SNX25: variants seen among roughly 807,000 people sequenced by gnomAD.
SNX25 encodes the protein sorting nexin 25.
In SNX25, 62 loss-of-function variants were observed where a neutral mutation model predicts 113.7. That is an observed-to-expected ratio of 0.55 (90% CI 0.44 to 0.67). The LOEUF (loss-of-function observed/expected upper bound fraction) is 0.67. Among genes scored for constraint, SNX25 ranks in the 30% least tolerant of loss-of-function variants. The pLI is 0.00. For missense variants in SNX25, 1,014 were observed against 1,161.0 expected (o/e 0.87, Z 1.84); for synonymous variants, 421 against 436.2 (o/e 0.97, Z 0.43).
At chr4:185,345,462 T>C (rs1157821837) in intron 12 of SNX25, among the ~76,000 whole-genome samples, 3 of 152,178 alleles carry the variant, frequency 2.0e-5, no homozygotes, top group Non-Finnish European at 4.4e-5. Context: ...TATGAATATA[T>C]TTTGTTAATA....
chr4:185,370,928 G>C, downstream of SNX25: 1 of 1,155,782 alleles, frequency 8.7e-7, no homozygotes. Flanking sequence ...CTACTGCTTT[G>C]AGAACTAAGT....
intron 1 of SNX25, among the ~76,000 whole-genome samples, chr4:185,235,275 C>T (rs985955454): frequency 2.0e-5 from 3 of 152,200 alleles, no homozygotes; most frequent in African/African-American, 7.2e-5. Flanking sequence ...TCTCTATGTT[C>T]ATGTGAGGTA....
chr4:185,224,139 G>A (rs1740454234), intron 1 of SNX25, among the ~76,000 whole-genome samples: 1 of 152,036 alleles, frequency 6.6e-6, no homozygotes, highest in South Asian at 2.1e-4. Flanking sequence ...GTCACCTGAG[G>A]TTAGGAGTTC....
At chr4:185,262,818 G>C (rs1043174950) in intron 3 of SNX25, among the ~76,000 whole-genome samples, 2 of 152,202 alleles carry the variant, frequency 1.3e-5, no homozygotes, top group South Asian at 4.1e-4. Context: ...GATCCACACG[G>C]AACACAGTAA....
In SNX25 at chr4:185,334,935, A is replaced by G. The variant is rs911645009; in HGVS notation, c.1914+2176A>G. 1.3e-5 allele frequency among the ~76,000 whole-genome samples: 2 copies of G among 152,176 alleles called. No individual in the cohort carries two copies. Among genetic ancestry groups the G allele is most frequent in the Non-Finnish European group, 2.9e-5 (2 of 68,026 alleles). On this transcript the variant is annotated intron_variant, in intron 10 of 18. Transcript: ENST00000652585. The surrounding 1 kb of genome is among the most constrained non-coding windows in gnomAD (Gnocchi z 4.2). ...GCACAGGGCTGAAAGGGCTCTGAGG[A>G]TGGAAGGCAGCTGATCCTTCTCTCC...
At chr4:185,264,740 CTATT>C in intron 4 of SNX25, 130 bp downstream of exon 4, 1 of 975,076 alleles carries the variant, frequency 1.0e-6, no homozygotes, top group South Asian at 1.9e-5. Context: ...GTCTCTAAAA[CTATT>C]TGGCCATTCA....
chr4:185,268,735 T>C (rs549945001), intron 5 of SNX25, among the ~76,000 whole-genome samples: 1 of 152,320 alleles, frequency 6.6e-6, no homozygotes, highest in Admixed American at 6.5e-5. Context: ...AAGCACCATC[T>C]AAGGAGGCAT....
chr4:185,299,968 G>T (rs1022380615), intron 6 of SNX25, among the ~76,000 whole-genome samples: 1 of 152,140 alleles, frequency 6.6e-6, no homozygotes, highest in Non-Finnish European at 1.5e-5. Flanking sequence ...AGATGAGGAG[G>T]TTTCGCCTTT....
At chr4:185,362,734 G>A (rs772857794) in intron 18 of SNX25, 23 bp downstream of exon 18, 2 of 1,580,966 alleles carry the variant, frequency 1.3e-6, no homozygotes, top group Admixed American at 1.7e-5. Context: ...AAGCCCAGGG[G>A]GTTTCCTGCT....
intron 5 of SNX25, among the ~76,000 whole-genome samples, chr4:185,282,009 C>T (rs1234012881): frequency 6.6e-6 from 1 of 152,042 alleles, no homozygotes; most frequent in Non-Finnish European, 1.5e-5. Context: ...GAGCGAGACT[C>T]CATCTCAAAA....
At position 185,264,616 on chromosome 4, in the gene SNX25, C is replaced by T. The variant is rs373307404; in HGVS notation, c.904+6C>T. ...AGAAATTCTCACAACAAAAGGTAGA[C>T]TTATACAGTTGATTTCACTAATTCA... On this transcript the variant is annotated splice_donor_region_variant and intron_variant, in intron 4 of 18. Transcript: ENST00000652585. 112 of 1,613,284 alleles carry T rather than the reference C, an allele frequency of 6.9e-5. No homozygotes were observed. The highest frequency in any genetic ancestry group is 3.3e-5 in the South Asian group (3 of 91,044).
chr4:185,255,562 A>G (rs940252293), intron 2 of SNX25, among the ~76,000 whole-genome samples: 1 of 152,200 alleles, frequency 6.6e-6, no homozygotes, highest in Admixed American at 6.5e-5. Flanking sequence ...TGTCTTGTAC[A>G]GCAGTTTTAC....
chr4:185,293,210 A>C (rs912676124), intron 6 of SNX25, among the ~76,000 whole-genome samples: 1 of 152,218 alleles, frequency 6.6e-6, no homozygotes, highest in Non-Finnish European at 1.5e-5. Flanking sequence ...GAAATGGAAA[A>C]TAGAAGACAA....
At position 185,259,892 on chromosome 4, in the gene SNX25, G is replaced by A. The variant is rs562457527; in HGVS notation, c.731+828G>A. On this transcript the variant is annotated intron_variant, in intron 3 of 18. Transcript: ENST00000652585. ...TGTAGGGGACCTTGCTGCTGAATGCGGCTGCACAGCAGGTCTCCATTCCCA... is the reference window on the plus strand; with the variant it reads ...TGTAGGGGACCTTGCTGCTGAATGCAGCTGCACAGCAGGTCTCCATTCCCA... 1.2e-3 allele frequency among the ~76,000 whole-genome samples: 177 copies of A among 151,686 alleles called. 1 individual carries two copies. Among genetic ancestry groups the A allele is most frequent in the African/African-American group, 4.1e-3 (169 of 41,322 alleles).
intron 1 of SNX25, among the ~76,000 whole-genome samples, chr4:185,242,051 A>AT (rs1744135475): frequency 1.4e-5 from 2 of 143,516 alleles, no homozygotes; most frequent in South Asian, 4.7e-4. Flanking sequence ...TGATTAGTGG[A>AT]TTCTACCCTT....
intron 6 of SNX25, among the ~76,000 whole-genome samples, chr4:185,308,273 G>T (rs971657328): frequency 5.3e-5 from 8 of 152,186 alleles, no homozygotes; most frequent in Non-Finnish European, 1.0e-4. Flanking sequence ...TGCTTTAAAT[G>T]ATATGTCAAC....
intron 6 of SNX25, among the ~76,000 whole-genome samples, chr4:185,291,865 A>AG (rs1286702904): frequency 6.6e-6 from 1 of 152,194 alleles, no homozygotes; most frequent in Non-Finnish European, 1.5e-5. Flanking sequence ...AGATCGCTTT[A>AG]GTAGGTATGG....
chr4:185,368,723 T>G (rs923794519), downstream of SNX25, among the ~76,000 whole-genome samples: 16 of 152,104 alleles, frequency 1.1e-4, no homozygotes, highest in African/African-American at 3.9e-4. Context: ...GAGTACAGTA[T>G]CCTAGTTGCA....
intron 13 of SNX25, among the ~76,000 whole-genome samples, chr4:185,349,489 A>G (rs1419835575): frequency 6.6e-6 from 1 of 152,120 alleles, no homozygotes; most frequent in Non-Finnish European, 1.5e-5. Flanking sequence ...GAGCCTCCAT[A>G]CCCTTTTTCA....
Sources: allele counts gnomAD v4.1 joint callset (sites outside exome capture counted in the v4.1 genomes callset), GRCh38; gene constraint gnomAD v4.1.1; non-coding constraint Gnocchi (gnomAD v3.1); transcripts MANE v1.5; gene names NCBI Gene and HGNC (gene_info 2026-07-23, HGNC 2026-07-21).